Variants in CHST11 observed in about 807,000 individuals in gnomAD.
The protein encoded by CHST11 is C4S-1.
CHST11 carries 9 observed loss-of-function variants against 30.4 expected under a neutral mutation model. The ratio of observed to expected loss-of-function variants is 0.30; its 90% CI spans 0.18 to 0.52. The LOEUF is 0.52. Ranked by LOEUF, CHST11 falls within the 20% of genes least tolerant of loss-of-function variation. The pLI is 0.97. For missense variants in CHST11, 348 were observed against 460.6 expected (o/e 0.76, Z 2.24); for synonymous variants, 152 against 187.8 (o/e 0.81, Z 1.56).
intron 2 of CHST11, among the ~76,000 whole-genome samples, chr12:104,671,014 G>T (rs2039691033): frequency 2.0e-5 from 3 of 152,208 alleles, no homozygotes; most frequent in Admixed American, 2.0e-4. Context: ...CCTTCTGAGG[G>T]TGTTGGGCAG....
intron 1 of CHST11, among the ~76,000 whole-genome samples, chr12:104,560,039 C>T (rs2038498256): frequency 6.6e-6 from 1 of 152,034 alleles, no homozygotes; most frequent in African/African-American, 2.4e-5. Context: ...ATGGGAATTT[C>T]TAAGGGAAGA....
intron 2 of CHST11, among the ~76,000 whole-genome samples, chr12:104,619,820 C>T (rs1370451418): frequency 6.6e-6 from 1 of 152,214 alleles, no homozygotes; most frequent in Non-Finnish European, 1.5e-5. Flanking sequence ...TTAACTCATG[C>T]TAAGCCCATG....
Position 104,526,657 on chromosome 12 carries a change from C to G in CHST11, c.118+69128C>G, listed in dbSNP as rs1464760779. ...CACTCTGAAGAGTTGATTCTCAGGC[C>G]CTGGACTCGTGTTCTCAACCCACTG... On this transcript the variant is annotated intron_variant, in intron 1 of 2. Coordinates refer to ENST00000303694, the MANE Select transcript of CHST11 (RefSeq NM_018413.6). Among the ~76,000 whole-genome samples, 2 of 152,120 alleles carry G rather than the reference C, an allele frequency of 1.3e-5. 1 individual carries two copies. The highest frequency in any genetic ancestry group is 2.9e-5 in the Non-Finnish European group (2 of 68,014).
In CHST11 at chr12:104,640,436, A is replaced by G. The variant is rs142962872; in HGVS notation, c.204+38445A>G. On this transcript the variant is annotated intron_variant, in intron 2 of 2. Coordinates refer to ENST00000303694, the MANE Select transcript of CHST11 (RefSeq NM_018413.6). The stretch of plus-strand genomic sequence containing the variant: ...TCCAGCCACAAAAAGATATGGAGGA[A>G]CCTGAAGTGCATATTACTAAGTGAA... Among the ~76,000 whole-genome samples the G allele has an allele frequency of 7.6e-3, 1,151 of 152,302 alleles. 16 individuals carry two copies. Among genetic ancestry groups the G allele is most frequent in the African/African-American group, 0.025 (1,059 of 41,562 alleles).
At chr12:104,735,315 A>C (rs1359112289) in intron 2 of CHST11, among the ~76,000 whole-genome samples, 1 of 152,234 alleles carries the variant, frequency 6.6e-6, no homozygotes, top group Non-Finnish European at 1.5e-5. Flanking sequence ...ATGTGATTAC[A>C]CAAGAGCTTA....
In CHST11 at chr12:104,467,319, T is replaced by C. The variant is rs2037469334; in HGVS notation, c.118+9790T>C. 2.6e-5 allele frequency among the ~76,000 whole-genome samples: 4 copies of C among 152,198 alleles called. 1 individual carries two copies. In the South Asian group the frequency reaches 8.3e-4, roughly 31 times the overall value. On this transcript the variant is annotated intron_variant, in intron 1 of 2. Coordinates refer to ENST00000303694, the MANE Select transcript of CHST11 (RefSeq NM_018413.6). ...TTAGGTTAACTGAAAATGGAAGGTC[T>C]GGTGTCTAGATGAACAAAAAATGGG...
chr12:104,690,759 T>C (rs1301315341), intron 2 of CHST11, among the ~76,000 whole-genome samples: 2 of 152,028 alleles, frequency 1.3e-5, no homozygotes, highest in Admixed American at 6.6e-5. Context: ...AGCTGGGAGG[T>C]TGAGGATGCA....
At chr12:104,622,459 T>C (rs1039129359) in intron 2 of CHST11, among the ~76,000 whole-genome samples, 1 of 152,334 alleles carries the variant, frequency 6.6e-6, no homozygotes, top group South Asian at 2.1e-4. Context: ...GCATAGAGAC[T>C]AGCTTCATTG....
chr12:104,738,177 A>G (rs893515848), intron 2 of CHST11, among the ~76,000 whole-genome samples: 4 of 152,124 alleles, frequency 2.6e-5, no homozygotes, highest in Non-Finnish European at 5.9e-5. Flanking sequence ...CCGCGGGCTC[A>G]TCCTTCTTCA....
chr12:104,566,486 G>C (rs1281048754), intron 1 of CHST11, among the ~76,000 whole-genome samples: 2 of 152,122 alleles, frequency 1.3e-5, no homozygotes, highest in Non-Finnish European at 2.9e-5. Flanking sequence ...TCTCATGCTG[G>C]GAGATAGTCC....
At chr12:104,520,612 TG>T (rs1230361149) in intron 1 of CHST11, among the ~76,000 whole-genome samples, 1 of 152,212 alleles carries the variant, frequency 6.6e-6, no homozygotes, top group Non-Finnish European at 1.5e-5. Context: ...GGCGTAATTT[TG>T]TTCACTCATA....
intron 2 of CHST11, among the ~76,000 whole-genome samples, chr12:104,702,445 G>T (rs1230228736): frequency 6.6e-6 from 1 of 151,860 alleles, no homozygotes; most frequent in African/African-American, 2.4e-5. Context: ...GAACCTGGGT[G>T]GTCCTGAACC....
chr12:104,484,811 G>A (rs74754857), intron 1 of CHST11, among the ~76,000 whole-genome samples: 2 of 152,206 alleles, frequency 1.3e-5, no homozygotes, highest in Non-Finnish European at 2.9e-5. Context: ...AGGTGGGATG[G>A]CGGTAGTGGT....
intron 2 of CHST11, among the ~76,000 whole-genome samples, chr12:104,637,955 C>T (rs2039341587): frequency 6.6e-6 from 1 of 152,184 alleles, no homozygotes; most frequent in African/African-American, 2.4e-5. Context: ...TCTATGAGGA[C>T]AGGGACTCCT....
In CHST11 at chr12:104,667,747, T is replaced by C. The variant is rs145322757; in HGVS notation, c.204+65756T>C. Among the ~76,000 whole-genome samples, 52 of 152,246 alleles carry C rather than the reference T, an allele frequency of 3.4e-4. 1 individual carries two copies. Among genetic ancestry groups the C allele is most frequent in the African/African-American group, 1.1e-3 (46 of 41,548 alleles). The stretch of plus-strand genomic sequence containing the variant: ...ACCTACCTCAGGCTGGTTGTGAGGA[T>C]GGAATGAGATGCTGCCTGTCAGCTT... On this transcript the variant is annotated intron_variant, in intron 2 of 2. Coordinates refer to ENST00000303694, the MANE Select transcript of CHST11 (RefSeq NM_018413.6).
chr12:104,729,126 G>A lies in CHST11; in HGVS notation c.205-27823G>A, dbSNP rs1447498734. On this transcript the variant is annotated intron_variant, in intron 2 of 2. Transcript: ENST00000303694. This position sits in a 1 kb window ranked among gnomAD's most constrained non-coding sequence, Gnocchi z 4.0. ...TTCTGCAGTTGTTTTAAGGATAACA[G>A]CAAGCAGGAAACAAAAGAGACAGAA... Among the ~76,000 whole-genome samples, 2 of 152,130 alleles carry A rather than the reference G, an allele frequency of 1.3e-5. No homozygotes were observed. The highest frequency in any genetic ancestry group is 4.8e-5 in the African/African-American group (2 of 41,434).
chr12:104,547,000 G>T (rs956412837), intron 1 of CHST11, among the ~76,000 whole-genome samples: 1 of 152,156 alleles, frequency 6.6e-6, no homozygotes, highest in Non-Finnish European at 1.5e-5. Context: ...ACCAAGGGGA[G>T]AACTCACTTT....
At chr12:104,529,901 T>C (rs969353614) in intron 1 of CHST11, among the ~76,000 whole-genome samples, 3 of 152,184 alleles carry the variant, frequency 2.0e-5, no homozygotes, top group African/African-American at 7.2e-5. Context: ...CTCATGCCTG[T>C]AATCCCAACA....
chr12:104,639,195 A>T (rs1436525150), intron 2 of CHST11, among the ~76,000 whole-genome samples: 1 of 152,202 alleles, frequency 6.6e-6, no homozygotes, highest in African/African-American at 2.4e-5. Context: ...CACATAACCC[A>T]TGTTGGCATT....
Sources: allele counts gnomAD v4.1 joint callset (sites outside exome capture counted in the v4.1 genomes callset), GRCh38; gene constraint gnomAD v4.1.1; non-coding constraint Gnocchi (gnomAD v3.1); transcripts MANE v1.5; gene names NCBI Gene and HGNC (gene_info 2026-07-23, HGNC 2026-07-21).